Variants in PIEZO2 observed in about 807,000 individuals in gnomAD.
PIEZO2 encodes piezo-type mechanosensitive ion channel component 2.
In PIEZO2, 172 loss-of-function variants were observed where a neutral mutation model predicts 337.3. The ratio of observed to expected loss-of-function variants is 0.51; its 90% confidence interval spans 0.45 to 0.58. PIEZO2 has a LOEUF of 0.58. Ranked by LOEUF, PIEZO2 falls within the 20% of genes least tolerant of loss-of-function variation. The pLI, the probability that PIEZO2 is intolerant of heterozygous loss-of-function variation, is 0.00. For synonymous variants in PIEZO2, 1,251 were observed against 1,228.5 expected (o/e 1.02, Z -0.38); for missense variants, 3,028 against 3,391.3 (o/e 0.89, Z 2.66).
intron 1 of PIEZO2, among the ~76,000 whole-genome samples, chr18:11,130,247 A>G (rs1012992011): frequency 5.9e-5 from 9 of 152,226 alleles, no homozygotes; most frequent in African/African-American, 2.2e-4. Context: ...TTGCAAGCTT[A>G]ACCAAGTGGT....
chr18:10,705,717 G>A lies in PIEZO2; in HGVS notation c.5618C>T (p.Ser1873Leu). Reference protein sequence around the residue: ...SEPTQCTMLYSRQGTTETIEE... With the variant: ...SEPTQCTMLYLRQGTTETIEE... Reference sequence around the variant, plus strand: ...GATGGTCTCAGTGGTCCCCTGGCGTGAGTACAGCATGGTACACTGCGTGGG... The same window carrying A: ...GATGGTCTCAGTGGTCCCCTGGCGTAAGTACAGCATGGTACACTGCGTGGG... Residue 1873 changes from serine (S) to leucine (L), a missense_variant, in exon 41 of 56, where the codon TCA (serine) becomes TTA (leucine). By Grantham distance (145) the Ser-to-Leu change is moderately radical. This residue lies in a region of PIEZO2 where 1,925 missense variants were observed against 2,051.9 expected (regional missense o/e 0.94). Coordinates refer to ENST00000674853, the MANE Select transcript of PIEZO2 (RefSeq NM_001378183.1). 1 of 1,535,786 alleles carries A rather than the reference G, an allele frequency of 6.5e-7. No individual in the cohort carries two copies. Among genetic ancestry groups the A allele is most frequent in the Non-Finnish European group, 8.7e-7 (1 of 1,146,390 alleles).
At position 10,781,019 on chromosome 18, in the gene PIEZO2, C is replaced by T. The variant is rs967237007; in HGVS notation, c.2493-653G>A. On this transcript the variant is annotated intron_variant, in intron 17 of 55. Coordinates refer to ENST00000674853, the MANE Select transcript of PIEZO2 (RefSeq NM_001378183.1). The surrounding 1 kb of genome is among the most constrained non-coding windows in gnomAD (Gnocchi z 4.1). ...TTAAAAAATTAATTTTTGCTGCTAC[C>T]CCAGAATTAAAAAAAAAAAGGATCC... 2.0e-5 allele frequency among the ~76,000 whole-genome samples: 3 copies of T among 149,962 alleles called. No individual in the cohort carries two copies. The highest frequency in any genetic ancestry group is 1.3e-4 in the Admixed American group (2 of 15,052).
At position 11,099,834 on chromosome 18, in the gene PIEZO2, T is replaced by C. The variant is rs62083646; in HGVS notation, c.65-33612A>G. ...TGATTTGTATATCTTCTTTTGTAAGTTGCTGATGAATACTATTTTCTAGTT... is the reference window on the plus strand; with the variant it reads ...TGATTTGTATATCTTCTTTTGTAAGCTGCTGATGAATACTATTTTCTAGTT... On this transcript the variant is annotated intron_variant, in intron 1 of 55. Coordinates refer to ENST00000674853, the MANE Select transcript of PIEZO2 (RefSeq NM_001378183.1). This position sits in a 1 kb window ranked among gnomAD's most constrained non-coding sequence, Gnocchi z 5.4. Among the ~76,000 whole-genome samples the C allele has an allele frequency of 1.5e-3, 236 of 152,344 alleles. No individual in the cohort carries two copies. Among genetic ancestry groups the C allele is most frequent in the South Asian group, 5.4e-3 (26 of 4,830 alleles).
chr18:10,795,077 A>T lies in PIEZO2; in HGVS notation c.1528-75T>A, dbSNP rs545988025. 1.0e-4 allele frequency: 129 copies of T among 1,254,474 alleles called. No individual in the cohort carries two copies. In the African/African-American group the frequency reaches 1.9e-3, roughly 18 times the overall value. 77.7% of individuals were successfully genotyped at this position (1,254,474 alleles called of 1,614,324 possible). On this transcript the variant is annotated intron_variant, in intron 12 of 55. Coordinates refer to ENST00000674853, the MANE Select transcript of PIEZO2 (RefSeq NM_001378183.1). This position sits in a 1 kb window ranked among gnomAD's most constrained non-coding sequence, Gnocchi z 4.4. ...TCCCCCCCGCCCTGGTAAGGTAAAA[A>T]CTATCTAAAAAGAAAAGGTCATAAT...
Position 10,749,471 on chromosome 18 carries a change from T to A in PIEZO2, c.4264+620A>T, listed in dbSNP as rs540752004. Reference sequence around the variant, plus strand: ...GAGACCCTGTCTTGAAATATTTTTTTAAAAATAGATAAATAAATAATAATA... The same window carrying A: ...GAGACCCTGTCTTGAAATATTTTTTAAAAAATAGATAAATAAATAATAATA... On this transcript the variant is annotated intron_variant, in intron 29 of 55. Coordinates refer to ENST00000674853, the MANE Select transcript of PIEZO2 (RefSeq NM_001378183.1). 7.0e-5 allele frequency among the ~76,000 whole-genome samples: 10 copies of A among 142,028 alleles called. No homozygotes were observed. The East Asian group carries it at 1.7e-3, about 24-fold the overall frequency. The allele number at this position is 142,028 out of a possible 152,430, so 93.2% of individuals were successfully genotyped here.
intron 3 of PIEZO2, among the ~76,000 whole-genome samples, chr18:10,916,705 C>T (rs994930136): frequency 2.0e-5 from 3 of 152,160 alleles, no homozygotes; most frequent in African/African-American, 4.8e-5. Context: ...GCTGCAGCCT[C>T]GGCCAGCCCA....
At position 11,099,431 on chromosome 18, in the gene PIEZO2, G is replaced by T. The variant is rs752405575; in HGVS notation, c.65-33209C>A. Among the ~76,000 whole-genome samples the T allele has an allele frequency of 4.6e-5, 7 of 152,186 alleles. No individual in the cohort carries two copies. Among genetic ancestry groups the T allele is most frequent in the Admixed American group, 3.3e-4 (5 of 15,274 alleles). ...TTGTCGTTTGTTTTTCAACAGGCAA[G>T]ATGTGGGTTCTTCTTAACATTTCAA... On this transcript the variant is annotated intron_variant, in intron 1 of 55. Transcript: ENST00000674853. This position sits in a 1 kb window ranked among gnomAD's most constrained non-coding sequence, Gnocchi z 5.4.
intron 3 of PIEZO2, among the ~76,000 whole-genome samples, chr18:10,932,595 A>T (rs1348493317): frequency 6.6e-6 from 1 of 152,142 alleles, no homozygotes; most frequent in Non-Finnish European, 1.5e-5. Context: ...AGGCAGTGAC[A>T]TGATTGAAAA....
intron 7 of PIEZO2, among the ~76,000 whole-genome samples, chr18:10,823,439 AT>A (rs1568100700): frequency 6.6e-6 from 1 of 152,142 alleles, no homozygotes; most frequent in African/African-American, 2.4e-5. Flanking sequence ...ATAGCCCTGA[AT>A]TTTTTCTCAC....
At chr18:11,144,980 A>G (rs2040770289) in intron 1 of PIEZO2, among the ~76,000 whole-genome samples, 2 of 152,256 alleles carry the variant, frequency 1.3e-5, no homozygotes, top group South Asian at 4.1e-4. Context: ...ATCTCAAATC[A>G]TATACCTAAA....
chr18:10,914,816 T>C, intron 3 of PIEZO2, among the ~76,000 whole-genome samples: 1 of 152,070 alleles, frequency 6.6e-6, no homozygotes, highest in Non-Finnish European at 1.5e-5. Flanking sequence ...GATGGCAGAG[T>C]CCAGACACGG....
chr18:10,844,138 G>C (rs931794841), intron 7 of PIEZO2, among the ~76,000 whole-genome samples: 11 of 152,204 alleles, frequency 7.2e-5, no homozygotes, highest in African/African-American at 2.7e-4. Flanking sequence ...AAAGGTGTGG[G>C]CTGGGCACAG....
Position 10,863,249 on chromosome 18 carries a change from C to G in PIEZO2, c.493-6038G>C, listed in dbSNP as rs1568141513. On this transcript the variant is annotated intron_variant, in intron 5 of 55. Coordinates refer to ENST00000674853, the MANE Select transcript of PIEZO2 (RefSeq NM_001378183.1). The surrounding 1 kb of genome is among the most constrained non-coding windows in gnomAD (Gnocchi z 4.3). ...CACTGCAGAAGATGAATTTCATCCCCAGGGTTCCCTTGTGAAAGGAAGCAG... is the reference window on the plus strand; with the variant it reads ...CACTGCAGAAGATGAATTTCATCCCGAGGGTTCCCTTGTGAAAGGAAGCAG... Among the ~76,000 whole-genome samples the G allele has an allele frequency of 6.6e-6, 1 of 152,120 alleles. No individual in the cohort carries two copies.
chr18:10,760,405 G>C (rs2038075792), intron 24 of PIEZO2, among the ~76,000 whole-genome samples: 2 of 152,164 alleles, frequency 1.3e-5, no homozygotes, highest in African/African-American at 4.8e-5. Flanking sequence ...CCTGGGTTCA[G>C]GCAATTCTCC....
intron 1 of PIEZO2, among the ~76,000 whole-genome samples, chr18:11,081,961 T>C (rs564310249): frequency 2.0e-5 from 3 of 152,150 alleles, no homozygotes; most frequent in South Asian, 4.2e-4. Context: ...GGTTTCACCA[T>C]ATTGGTCAGG....
At chr18:10,789,899 A>C (rs1183825172) in intron 14 of PIEZO2, among the ~76,000 whole-genome samples, 1 of 152,230 alleles carries the variant, frequency 6.6e-6, no homozygotes, top group Admixed American at 6.5e-5. Flanking sequence ...TTAATGGATC[A>C]AAATAAAAAA....
In PIEZO2 at chr18:10,940,675, A is replaced by AAGAG. The variant is rs1379877042; in HGVS notation, c.287-29448_287-29447insCTCT. Among the ~76,000 whole-genome samples the AAGAG allele has an allele frequency of 6.6e-6, 1 of 152,188 alleles. No homozygotes were observed. The highest frequency in any genetic ancestry group is 2.4e-5 in the African/African-American group (1 of 41,456). ...CCAAGTGATTGAGACCATCCTAGCCAACATGGTGAAACCCTATCTCTACTA... is the reference window on the plus strand; with the variant it reads ...CCAAGTGATTGAGACCATCCTAGCCAAGAGACATGGTGAAACCCTATCTCTACTA... On this transcript the variant is annotated intron_variant, in intron 3 of 55. Transcript: ENST00000674853. This position sits in a 1 kb window ranked among gnomAD's most constrained non-coding sequence, Gnocchi z 5.3.
At chr18:11,082,054 C>T (rs1032441235) in intron 1 of PIEZO2, among the ~76,000 whole-genome samples, 5 of 151,954 alleles carry the variant, frequency 3.3e-5, no homozygotes, top group African/African-American at 1.2e-4. Flanking sequence ...GCCACTGCGC[C>T]CGGCCTCAAC....
At chr18:11,073,488 G>A (rs537138450) in intron 1 of PIEZO2, among the ~76,000 whole-genome samples, 1 of 152,222 alleles carries the variant, frequency 6.6e-6, no homozygotes, top group African/African-American at 2.4e-5. Context: ...CCACCCAAAA[G>A]CCACCCGAGT....
Sources: allele counts gnomAD v4.1 joint callset (sites outside exome capture counted in the v4.1 genomes callset), GRCh38; gene constraint gnomAD v4.1.1; regional missense constraint gnomAD v4.1.1; non-coding constraint Gnocchi (gnomAD v3.1); transcripts MANE v1.5; gene names NCBI Gene and HGNC (gene_info 2026-07-23, HGNC 2026-07-21).